The following S100A8 variants were observed in gnomAD, a reference collection of about 807,000 sequenced individuals.
The protein encoded by S100A8 is protein S100-A8.
In S100A8, 1 loss-of-function variant was observed where a neutral mutation model predicts 4.2. The observed-to-expected ratio is 0.24, with a 90% CI of 0.08 to 1.12. The LOEUF (loss-of-function observed/expected upper bound fraction) is 1.12. S100A8 is among the 50% of genes most tolerant of loss of function. S100A8 has a pLI of 0.53. For synonymous variants in S100A8, 41 were observed against 44.7 expected (o/e 0.92, Z 0.33); for missense variants, 96 against 111.8 (o/e 0.86, Z 0.64).
At chr1:153,413,764 A>G in the S100A8 span, among the ~76,000 whole-genome samples, 143 of 151,770 alleles carry the variant, frequency 9.4e-4, no homozygotes, top group African/African-American at 3.3e-3. Context: ...AGCTGGATAT[A>G]GTGGCAGGCG....
chr1:153,418,673 C>T, the S100A8 span, among the ~76,000 whole-genome samples: 3 of 152,172 alleles, frequency 2.0e-5, no homozygotes, highest in African/African-American at 7.2e-5. Flanking sequence ...AACCTGTGGG[C>T]TACTAGGTAC....
chr1:153,407,430 G>A, the S100A8 span, among the ~76,000 whole-genome samples: 6 of 152,290 alleles, frequency 3.9e-5, no homozygotes, highest in Middle Eastern at 3.4e-3. Flanking sequence ...CAGGGTGCCC[G>A]CCATTTCTGA....
the S100A8 span, among the ~76,000 whole-genome samples, chr1:153,405,251 T>C: frequency 2.0e-5 from 3 of 151,620 alleles, no homozygotes; most frequent in East Asian, 5.8e-4. Flanking sequence ...TGTCTGTGTA[T>C]GCGGCCTCCG....
chr1:153,390,782 G>A (rs1164176760), intron 1 of S100A8: 14 of 589,004 alleles, frequency 2.4e-5, no homozygotes, highest in African/African-American at 7.5e-5. Context: ...GCACACACAC[G>A]GGGCCCGTAG....
the S100A8 span, among the ~76,000 whole-genome samples, chr1:153,405,195 T>C: frequency 2.6e-5 from 4 of 151,898 alleles, no homozygotes; most frequent in Admixed American, 2.6e-4. Flanking sequence ...GAAATTTGGT[T>C]GAACAGATAC....
chr1:153,416,124 T>C, the S100A8 span, among the ~76,000 whole-genome samples: 1 of 152,162 alleles, frequency 6.6e-6, no homozygotes, highest in East Asian at 1.9e-4. Flanking sequence ...GTGGGGGTCA[T>C]AGAACAGGCT....
the S100A8 span, chr1:153,417,934 T>C: frequency 1.9e-6 from 2 of 1,069,514 alleles, no homozygotes; most frequent in South Asian, 3.3e-5. Flanking sequence ...CCCATCACAT[T>C]TAAAAAAATC....
the S100A8 span, among the ~76,000 whole-genome samples, chr1:153,404,211 C>G: frequency 6.6e-6 from 1 of 152,142 alleles, no homozygotes; most frequent in South Asian, 2.1e-4. Context: ...AGCAGCCCTA[C>G]AGTTCTCTGA....
chr1:153,412,430 G>T, the S100A8 span, among the ~76,000 whole-genome samples: 3 of 152,198 alleles, frequency 2.0e-5, no homozygotes, highest in Admixed American at 6.5e-5. Context: ...ACTACAATGA[G>T]ATACCATCTC....
At chr1:153,394,351 A>G (rs1662169496), upstream of S100A8, among the ~76,000 whole-genome samples, 1 of 152,092 alleles carries the variant, frequency 6.6e-6, no homozygotes, top group Non-Finnish European at 1.5e-5. Context: ...TGAGACAGGT[A>G]TTTCTCCCCT....
chr1:153,402,528 G>T, the S100A8 span, among the ~76,000 whole-genome samples: 3 of 152,164 alleles, frequency 2.0e-5, no homozygotes, highest in African/African-American at 7.2e-5. Flanking sequence ...TGTAAATGGA[G>T]CCCAGAAAGA....
At chr1:153,415,931 T>G in the S100A8 span, among the ~76,000 whole-genome samples, 1 of 152,156 alleles carries the variant, frequency 6.6e-6, no homozygotes, top group African/African-American at 2.4e-5. Flanking sequence ...GATTCAGGCT[T>G]TTCTTTGTTC....
chr1:153,400,774 T>G, the S100A8 span, among the ~76,000 whole-genome samples: 2 of 152,174 alleles, frequency 1.3e-5, no homozygotes, highest in Non-Finnish European at 2.9e-5. Context: ...CCCTGGCAAT[T>G]TCTCCCAAAA....
At chr1:153,402,896 C>T in the S100A8 span, among the ~76,000 whole-genome samples, 1 of 152,110 alleles carries the variant, frequency 6.6e-6, no homozygotes, top group African/African-American at 2.4e-5. Flanking sequence ...TAAGATACTG[C>T]CTGGCTGGTT....
the S100A8 span, chr1:153,416,625 C>T: frequency 2.8e-5 from 12 of 427,044 alleles, no homozygotes; most frequent in Non-Finnish European, 5.1e-5. Context: ...TGCCATGCTG[C>T]CTGTAGGAAG....
the S100A8 span, among the ~76,000 whole-genome samples, chr1:153,400,765 C>A: frequency 6.6e-6 from 1 of 152,120 alleles, no homozygotes; most frequent in Non-Finnish European, 1.5e-5. Flanking sequence ...CCATCATTAC[C>A]CTGGCAATTT....
At chr1:153,419,080 C>T in the S100A8 span, 1 of 1,535,434 alleles carries the variant, frequency 6.5e-7, no homozygotes, top group Non-Finnish European at 8.9e-7. Flanking sequence ...CTCCTCCTCT[C>T]CCCTCCCAGC....
At chr1:153,415,720 GGC>G in the S100A8 span, among the ~76,000 whole-genome samples, 2,400 of 113,474 alleles carry the variant, frequency 0.021, 88 homozygotes, top group African/African-American at 0.085. Flanking sequence ...GGGCGGGGGG[GGC>G]GGGGGTCACT....
intron 1 of S100A8, 163 bp from the exon 2 acceptor site, chr1:153,390,720 G>A (rs1662073231): frequency 3.5e-6 from 3 of 852,912 alleles, no homozygotes; most frequent in Admixed American, 5.3e-5. Flanking sequence ...AGGGTGGGAT[G>A]ATAGGGATAC....
Sources: allele counts gnomAD v4.1 joint callset (sites outside exome capture counted in the v4.1 genomes callset), GRCh38; gene constraint gnomAD v4.1.1; transcripts MANE v1.5; gene names NCBI Gene and HGNC (gene_info 2026-07-23, HGNC 2026-07-21).